PTPN14: variants seen among roughly 807,000 people sequenced by gnomAD.
PTPN14 encodes the protein tyrosine-protein phosphatase non-receptor type 14.
A neutral mutation model predicts 126.8 loss-of-function variants in PTPN14; 53 were observed. The observed-to-expected ratio is 0.42, with a 90% CI of 0.34 to 0.53. The LOEUF is 0.53. Ranked by LOEUF, PTPN14 falls within the 20% of genes least tolerant of loss-of-function variation. PTPN14 has a pLI of 0.08. For missense variants in PTPN14, 1,257 were observed against 1,552.9 expected, an observed-to-expected ratio of 0.81 and a Z score of 3.20; for synonymous variants, 630 against 599.3, an observed-to-expected ratio of 1.05 and a Z score of -0.75.
rs910529233 is a variant in PTPN14 at position 214,351,932 on chromosome 1, C to G, written c.*5990G>C. ...GGACTGATGCAAAAATCCTTCCTCT[C>G]CCTCTTCCCATTTATAGAAACTTTT... On this transcript the variant is annotated 3_prime_UTR_variant, in exon 19 of 19. Transcript: ENST00000366956. 6.6e-6 allele frequency: 1 copy of G among 152,174 alleles called. No homozygotes were observed. Among genetic ancestry groups the G allele is most frequent in the Non-Finnish European group, 1.5e-5 (1 of 68,040 alleles). 9.4% of individuals were successfully genotyped at this position (152,174 alleles called of 1,614,324 possible). A position where few individuals can be genotyped will look rare whatever the true frequency, so the allele number is the denominator to read the frequency against.
At chr1:214,510,097 G>A (rs1654936570) in intron 1 of PTPN14, among the ~76,000 whole-genome samples, 1 of 152,124 alleles carries the variant, frequency 6.6e-6, no homozygotes, top group Admixed American at 6.5e-5. Context: ...TTTCAATATT[G>A]TTGTGTCTCA....
chr1:214,519,731 G>A (rs1057370225), intron 1 of PTPN14, among the ~76,000 whole-genome samples: 1 of 151,842 alleles, frequency 6.6e-6, no homozygotes, highest in South Asian at 2.1e-4. Context: ...TAACCCTCCC[G>A]CCCCATGAAA....
At chr1:214,513,794 CGTT>C (rs1655035411) in intron 1 of PTPN14, among the ~76,000 whole-genome samples, 1 of 152,042 alleles carries the variant, frequency 6.6e-6, no homozygotes, top group Non-Finnish European at 1.5e-5. Context: ...TATTTCATAG[CGTT>C]GTCATAAAGA....
At chr1:214,417,545 A>G (rs1008230720) in intron 3 of PTPN14, among the ~76,000 whole-genome samples, 8 of 152,236 alleles carry the variant, frequency 5.3e-5, no homozygotes, top group African/African-American at 1.9e-4. Flanking sequence ...TTGACAGAGT[A>G]TCAAAGGATC....
intron 11 of PTPN14, among the ~76,000 whole-genome samples, chr1:214,387,694 AAG>A (rs961071610): frequency 1.3e-5 from 2 of 151,792 alleles, no homozygotes; most frequent in African/African-American, 4.8e-5. Flanking sequence ...AAAAAAAAGA[AAG>A]AAAGAAAGAA....
At position 214,451,758 on chromosome 1, in the gene PTPN14, A is replaced by T. The variant is rs1426528652; in HGVS notation, c.344+47T>A. ...TCATCTACTTCATTGGAAGCTTCAC[A>T]GTTAGTCAACACCCTTATATGGCAC... On this transcript the variant is annotated intron_variant, in intron 3 of 18. Coordinates refer to ENST00000366956, the MANE Select transcript of PTPN14 (RefSeq NM_005401.5). The T allele has an allele frequency of 3.8e-6, 6 of 1,587,394 alleles. No individual in the cohort carries two copies. The South Asian group carries it at 6.9e-5, about 18-fold the overall frequency.
intron 2 of PTPN14, among the ~76,000 whole-genome samples, chr1:214,459,560 C>T (rs1248747458): frequency 6.6e-6 from 1 of 150,520 alleles, no homozygotes. Context: ...ACCTCCAACT[C>T]CCTGGTTCAA....
intron 2 of PTPN14, among the ~76,000 whole-genome samples, chr1:214,464,399 G>A: frequency 6.6e-6 from 1 of 152,108 alleles, no homozygotes; most frequent in East Asian, 1.9e-4. Flanking sequence ...TGAAATAAAA[G>A]GAAACCTGCC....
Position 214,384,723 on chromosome 1 carries a change from A to G in PTPN14, c.1132T>C (p.Tyr378His). Residue 378 changes from tyrosine (Y) to histidine (H), a missense_variant, in exon 13 of 19, where the codon TAT (tyrosine) becomes CAT (histidine). Around this residue, in one of 3 missense-constraint regions of PTPN14, gnomAD observed 1,021 missense variants for 1,183.3 expected, o/e 0.86. Coordinates refer to ENST00000366956, the MANE Select transcript of PTPN14 (RefSeq NM_005401.5). The surrounding 1 kb of genome is among the most constrained non-coding windows in gnomAD (Gnocchi z 5.3). ...CCATTGGTGACAGTGCCATTTAAAT[A>G]ATTTAAGTCCAGGCTGTTGTGAGAG... ...CNSHNSLDLN[Y>H]LNGTVTNGSV... 1 of 1,614,140 alleles carries G rather than the reference A, an allele frequency of 6.2e-7. No homozygotes were observed. Among genetic ancestry groups the G allele is most frequent in the East Asian group, 2.2e-5 (1 of 44,878 alleles).
At position 214,534,002 on chromosome 1, in the gene PTPN14, T is replaced by A. The variant is rs560558336; in HGVS notation, c.-155+17181A>T. Among the ~76,000 whole-genome samples the A allele has an allele frequency of 1.8e-4, 27 of 152,328 alleles. 1 individual carries two copies. In the East Asian group the frequency reaches 2.9e-3, roughly 16 times the overall value. ...AAATTATAAGTGGCTCTTGTTTTAC[T>A]CAATGTAATAGATCAATAACAATAG... On this transcript the variant is annotated intron_variant, in intron 1 of 18. Coordinates refer to ENST00000366956, the MANE Select transcript of PTPN14 (RefSeq NM_005401.5).
chr1:214,481,118 T>A (rs1464573173), intron 1 of PTPN14, among the ~76,000 whole-genome samples: 1 of 152,194 alleles, frequency 6.6e-6, no homozygotes, highest in Non-Finnish European at 1.5e-5. Flanking sequence ...CAAGTAAGAT[T>A]TTTTTGTGTA....
rs372952023 is a variant in PTPN14 at position 214,488,934 on chromosome 1, G to A, written c.-154-23977C>T. Among the ~76,000 whole-genome samples the A allele has an allele frequency of 2.3e-4, 35 of 152,274 alleles. 1 individual carries two copies. In the South Asian group the frequency reaches 6.0e-3, roughly 26 times the overall value. Reference sequence around the variant, plus strand: ...CAAAATGAACTTGTCACCGCTTCTCGAAATATGAAATTCTCTCTATCCTTC... The same window carrying A: ...CAAAATGAACTTGTCACCGCTTCTCAAAATATGAAATTCTCTCTATCCTTC... On this transcript the variant is annotated intron_variant, in intron 1 of 18. Transcript: ENST00000366956.
chr1:214,452,361 G>A (rs565215555), intron 2 of PTPN14, among the ~76,000 whole-genome samples: 21 of 152,236 alleles, frequency 1.4e-4, no homozygotes, highest in East Asian at 3.9e-4. Context: ...GACCAACACC[G>A]CTCCTGCACC....
intron 3 of PTPN14, among the ~76,000 whole-genome samples, chr1:214,432,264 C>T (rs1159853591): frequency 2.0e-5 from 3 of 151,868 alleles, no homozygotes; most frequent in African/African-American, 7.2e-5. Flanking sequence ...TACTGATATC[C>T]CTTGAGAGCC....
intron 3 of PTPN14, among the ~76,000 whole-genome samples, chr1:214,440,241 G>GTAAAATAA (rs1558103287): frequency 1.3e-5 from 2 of 152,212 alleles, no homozygotes; most frequent in East Asian, 3.9e-4. Context: ...CAAAGCAACT[G>GTAAAATAA]GTCTCTGTGA....
At chr1:214,465,380 C>A (rs898119798) in intron 1 of PTPN14, among the ~76,000 whole-genome samples, 4 of 152,020 alleles carry the variant, frequency 2.6e-5, no homozygotes, top group Admixed American at 2.6e-4. Flanking sequence ...GAGGTTGAGG[C>A]GGAAGGATTA....
intron 14 of PTPN14, 85 bp from the exon 15 acceptor site, chr1:214,376,522 G>T: frequency 8.5e-7 from 1 of 1,175,590 alleles, no homozygotes; most frequent in Non-Finnish European, 1.2e-6. Flanking sequence ...AATATTTAGC[G>T]ATTGTGTTAA....
chr1:214,534,005 A>G (rs532454933), intron 1 of PTPN14, among the ~76,000 whole-genome samples: 43 of 152,342 alleles, frequency 2.8e-4, no homozygotes, highest in African/African-American at 9.4e-4. Context: ...GTTTTACTCA[A>G]TGTAATAGAT....
Position 214,404,454 on chromosome 1 carries a change from G to C in PTPN14, c.511-1501C>G, listed in dbSNP as rs1224503751. Among the ~76,000 whole-genome samples, 5 of 152,222 alleles carry C rather than the reference G, an allele frequency of 3.3e-5. No homozygotes were observed. The East Asian group carries it at 9.6e-4, about 29-fold the overall frequency. On this transcript the variant is annotated intron_variant, in intron 5 of 18. Coordinates refer to ENST00000366956, the MANE Select transcript of PTPN14 (RefSeq NM_005401.5). ...AGATATCACAAGGCTTAGAAAGTTAGCTATGTATGTGCATCCAGGTATTGA... is the reference window on the plus strand; with the variant it reads ...AGATATCACAAGGCTTAGAAAGTTACCTATGTATGTGCATCCAGGTATTGA...
Sources: gnomAD v4.1 joint callset for allele counts (sites outside exome capture counted in the v4.1 genomes callset) on GRCh38, gnomAD v4.1.1 for gene constraint, gnomAD v4.1.1 regional missense constraint, Gnocchi (gnomAD v3.1) non-coding constraint, MANE v1.5 for transcripts, NCBI Gene and HGNC (gene_info 2026-07-23, HGNC 2026-07-21) for gene names.